Variants in HIRA observed in about 807,000 individuals in gnomAD.
HIRA encodes the protein protein HIRA.
HIRA carries 13 observed loss-of-function variants against 126.6 expected under a neutral mutation model. The ratio of observed to expected loss-of-function variants is 0.10; its 90% CI spans 0.07 to 0.16. The LOEUF (loss-of-function observed/expected upper bound fraction) is 0.16. Among genes scored for constraint, HIRA ranks in the 10% least tolerant of loss-of-function variants. The pLI is 1.00. For missense variants in HIRA, 834 were observed against 1,314.4 expected, an observed-to-expected ratio of 0.63 and a Z score of 5.65; for synonymous variants, 511 against 520.0, an observed-to-expected ratio of 0.98 and a Z score of 0.24.
In HIRA at chr22:19,331,342, T is replaced by C. The variant is rs782601031; in HGVS notation, c.*98A>G. ...CAGCACATCTCCTGCCAGTGTCTCC[T>C]CCCCCTACAGCCTGGTCAGGTGAGA... On this transcript the variant is annotated 3_prime_UTR_variant, in exon 25 of 25. Coordinates refer to ENST00000263208, the MANE Select transcript of HIRA (RefSeq NM_003325.4). 1.4e-5 allele frequency: 22 copies of C among 1,598,556 alleles called. No homozygotes were observed. In the South Asian group the frequency reaches 2.4e-4, roughly 18 times the overall value.
chr22:19,337,796 G>A lies in HIRA; in HGVS notation c.2938-6240C>T, dbSNP rs143197234. Among the ~76,000 whole-genome samples, 405 of 151,842 alleles carry A rather than the reference G, an allele frequency of 2.7e-3. 1 individual carries two copies. Among genetic ancestry groups the A allele is most frequent in the Non-Finnish European group, 4.3e-3 (289 of 67,906 alleles). On this transcript the variant is annotated intron_variant, in intron 24 of 24. Transcript: ENST00000263208. The stretch of plus-strand genomic sequence containing the variant: ...GGTAACCTATACACGAAAGCCTATC[G>A]GATTTTTTTTTTTGAGACAGAGTCT...
At chr22:19,379,658 C>CTTT (rs200202102) in intron 13 of HIRA, among the ~76,000 whole-genome samples, 1 of 122,446 alleles carries the variant, frequency 8.2e-6, no homozygotes, top group Admixed American at 7.9e-5. Context: ...TACTTGATTT[C>CTTT]TTTTTTTTTT....
chr22:19,384,322 CAAAAAAAAAAAAAA>C (rs71317140), intron 12 of HIRA, among the ~76,000 whole-genome samples: 1 of 66,806 alleles, frequency 1.5e-5, no homozygotes, highest in Non-Finnish European at 2.7e-5. Flanking sequence ...GACTCCATCT[CAAAAAAAAAAAAAA>C]AAAAAAAGAG....
chr22:19,398,451 G>T (rs574625231), intron 5 of HIRA, among the ~76,000 whole-genome samples: 1 of 152,288 alleles, frequency 6.6e-6, no homozygotes, highest in East Asian at 1.9e-4. Context: ...AGAGCCTTCT[G>T]AGCATGAGAC....
chr22:19,397,681 C>A (rs1307726903), intron 6 of HIRA, among the ~76,000 whole-genome samples: 1 of 152,116 alleles, frequency 6.6e-6, no homozygotes, highest in Non-Finnish European at 1.5e-5. Flanking sequence ...TGAGCTGAGC[C>A]CAGAGCCCAG....
At chr22:19,381,824 A>G (rs2089075901) in intron 13 of HIRA, among the ~76,000 whole-genome samples, 1 of 152,228 alleles carries the variant, frequency 6.6e-6, no homozygotes, top group Non-Finnish European at 1.5e-5. Context: ...AGAATATTTA[A>G]AATGGTATTA....
In HIRA at chr22:19,431,423, C is replaced by T; in HGVS notation, c.37+17G>A. ...CGACTCCGGGCTCGGCCTCCCGCGA[C>T]CCCTGCGCGCACTCACCATTGTGGT... On this transcript the variant is annotated intron_variant, in intron 1 of 24. Transcript: ENST00000263208. The T allele has an allele frequency of 6.2e-7, 1 of 1,608,270 alleles. No individual in the cohort carries two copies. Among genetic ancestry groups the T allele is most frequent in the Admixed American group, 1.7e-5 (1 of 59,956 alleles).
chr22:19,357,958 T>C (rs1233773944), intron 18 of HIRA, among the ~76,000 whole-genome samples: 3 of 152,120 alleles, frequency 2.0e-5, no homozygotes, highest in African/African-American at 7.2e-5. Context: ...GAGAACACTC[T>C]AAGCAGCACG....
Position 19,431,658 on chromosome 22 carries a change from C to A in HIRA, c.-182G>T. 1 of 553,146 alleles carries A rather than the reference C, an allele frequency of 1.8e-6. No homozygotes were observed. Among genetic ancestry groups the A allele is most frequent in the Non-Finnish European group, 2.5e-6 (1 of 396,318 alleles). The allele number at this position is 553,146 out of a possible 1,614,324, so 34.3% of individuals were successfully genotyped here. A position where few individuals can be genotyped will look rare whatever the true frequency, so the allele number is the denominator to read the frequency against. On this transcript the variant is annotated 5_prime_UTR_variant, in exon 1 of 25. Coordinates refer to ENST00000263208, the MANE Select transcript of HIRA (RefSeq NM_003325.4). ...CCCCCCTCCGCCGCCACAGCCGCCA[C>A]CCGCGCTCGGCCGCCGCCGCCGCCA...
At chr22:19,408,426 G>T in intron 3 of HIRA, 57 bp downstream of exon 3, 1 of 1,096,006 alleles carries the variant, frequency 9.1e-7, no homozygotes, top group Non-Finnish European at 1.4e-6. Flanking sequence ...AAACACATGT[G>T]CTAACCTTGG....
intron 15 of HIRA, among the ~76,000 whole-genome samples, chr22:19,370,235 C>T (rs1034879539): frequency 6.6e-6 from 1 of 152,164 alleles, no homozygotes; most frequent in African/African-American, 2.4e-5. Context: ...TGAGCCACCA[C>T]GCCTGGCCTG....
intron 1 of HIRA, 55 bp from the exon 2 acceptor site, chr22:19,410,833 T>C: frequency 7.3e-7 from 1 of 1,365,134 alleles, no homozygotes. Flanking sequence ...TTCATTGAAG[T>C]GTATCAAACT....
Position 19,431,552 on chromosome 22 carries a change from GC to G in HIRA, c.-77del. 1.3e-5 allele frequency: 15 copies of G among 1,167,186 alleles called. No homozygotes were observed. Among genetic ancestry groups the G allele is most frequent in the Non-Finnish European group, 1.6e-5 (15 of 936,084 alleles). The allele number at this position is 1,167,186 out of a possible 1,614,324, so 72.3% of individuals were successfully genotyped here. ...GCGCCCGGGCCATGGAGCCACCGCCGCCGCTTCCTCCCGCGCCACCCGCCCT... is the reference window on the plus strand; with the variant it reads ...GCGCCCGGGCCATGGAGCCACCGCCGCGCTTCCTCCCGCGCCACCCGCCCT... On this transcript the variant is annotated 5_prime_UTR_variant, in exon 1 of 25. Coordinates refer to ENST00000263208, the MANE Select transcript of HIRA (RefSeq NM_003325.4).
chr22:19,396,500 G>A (rs1314951507), intron 7 of HIRA, among the ~76,000 whole-genome samples: 1 of 152,210 alleles, frequency 6.6e-6, no homozygotes, highest in Non-Finnish European at 1.5e-5. Flanking sequence ...TGGGCAACAA[G>A]AGCGAAACTC....
Position 19,431,448 on chromosome 22 carries a change from T to G in HIRA, c.29A>C (p.Asn10Thr). 6.2e-7 allele frequency: 1 copy of G among 1,608,492 alleles called. No individual in the cohort carries two copies. Among genetic ancestry groups the G allele is most frequent in the Non-Finnish European group, 8.5e-7 (1 of 1,178,544 alleles). Residue 10 changes from asparagine to threonine, a missense_variant, in exon 1 of 25, where the codon AAC (asparagine) becomes ACC (threonine). Asn to Thr is a moderately conservative substitution (Grantham distance 65). This residue lies in a region of HIRA where 102 missense variants were observed against 191.4 expected (regional missense o/e 0.53). Transcript: ENST00000263208. Reference protein sequence around the residue: MKLLKPTWVNHNGKPIFSVD... With the variant: MKLLKPTWVTHNGKPIFSVD... ...CCCCTGCGCGCACTCACCATTGTGGTTGACCCAGGTCGGCTTCAGGAGCTT... is the reference window on the plus strand; with the variant it reads ...CCCCTGCGCGCACTCACCATTGTGGGTGACCCAGGTCGGCTTCAGGAGCTT...
At chr22:19,412,065 T>C (rs2089357419) in intron 1 of HIRA, among the ~76,000 whole-genome samples, 2 of 152,236 alleles carry the variant, frequency 1.3e-5, no homozygotes, top group Non-Finnish European at 2.9e-5. Flanking sequence ...CTGAAACACC[T>C]GGGACCCGTT....
intron 14 of HIRA, among the ~76,000 whole-genome samples, chr22:19,377,023 C>T (rs2089025305): frequency 6.6e-6 from 1 of 152,240 alleles, no homozygotes; most frequent in South Asian, 2.1e-4. Flanking sequence ...CCTTGGCCTT[C>T]TCCCTCTTCT....
chr22:19,332,233 G>A (rs1349755105), intron 24 of HIRA, among the ~76,000 whole-genome samples: 2 of 152,206 alleles, frequency 1.3e-5, no homozygotes, highest in African/African-American at 4.8e-5. Flanking sequence ...AACACTGGAC[G>A]AGAAGGTCTA....
At chr22:19,341,248 C>T (rs1272946996) in intron 24 of HIRA, among the ~76,000 whole-genome samples, 1 of 152,090 alleles carries the variant, frequency 6.6e-6, no homozygotes, top group Admixed American at 6.6e-5. Context: ...CCCAGGAGTT[C>T]GAGACCAGCC....
Sources: allele counts gnomAD v4.1 joint callset (sites outside exome capture counted in the v4.1 genomes callset), GRCh38; gene constraint gnomAD v4.1.1; regional missense constraint gnomAD v4.1.1; transcripts MANE v1.5; gene names NCBI Gene and HGNC (gene_info 2026-07-23, HGNC 2026-07-21).